Variants in SLC44A5 observed in about 807,000 individuals in gnomAD.
SLC44A5 encodes choline transporter-like protein 5.
SLC44A5 carries 57 observed loss-of-function variants against 101.8 expected under a neutral mutation model. That is an observed-to-expected ratio of 0.56 (90% CI 0.45 to 0.70). The LOEUF (loss-of-function observed/expected upper bound fraction) is 0.70, where lower values mean the gene tolerates loss of function less well. SLC44A5 is among the 30% of genes least tolerant of loss of function. The pLI is 0.00. For synonymous variants in SLC44A5, 281 were observed against 290.9 expected, an observed-to-expected ratio of 0.97 and a Z score of 0.35; for missense variants, 737 against 853.1, an observed-to-expected ratio of 0.86 and a Z score of 1.70.
intron 6 of SLC44A5, among the ~76,000 whole-genome samples, chr1:75,265,310 C>CA (rs1209314569): frequency 6.6e-6 from 1 of 151,866 alleles, no homozygotes; most frequent in East Asian, 1.9e-4. Context: ...AACAAACAAA[C>CA]AAAAAAACAC....
intron 1 of SLC44A5, among the ~76,000 whole-genome samples, chr1:75,571,660 T>A (rs1673081041): frequency 6.6e-6 from 1 of 152,168 alleles, no homozygotes; most frequent in South Asian, 2.1e-4. Context: ...ACCTTTAAGA[T>A]AGGCTAAGCC....
At chr1:75,314,771 T>C (rs1001419011) in intron 4 of SLC44A5, among the ~76,000 whole-genome samples, 1 of 152,202 alleles carries the variant, frequency 6.6e-6, no homozygotes, top group Non-Finnish European at 1.5e-5. Flanking sequence ...TTTAGATCTA[T>C]CAAATTTGAT....
At chr1:75,574,857 A>G (rs1673275996) in intron 1 of SLC44A5, among the ~76,000 whole-genome samples, 1 of 152,218 alleles carries the variant, frequency 6.6e-6, no homozygotes, top group East Asian at 1.9e-4. Context: ...AACATGCTTA[A>G]GAACTAACAG....
At chr1:75,256,439 A>T (rs114181447) in intron 6 of SLC44A5, among the ~76,000 whole-genome samples, 1,728 of 152,278 alleles carry the variant, frequency 0.011, 37 homozygotes, top group African/African-American at 0.04. Flanking sequence ...ATGTGAGATG[A>T]TCCTATGCTG....
chr1:75,263,680 C>T (rs1042353151), intron 6 of SLC44A5, among the ~76,000 whole-genome samples: 4 of 152,128 alleles, frequency 2.6e-5, no homozygotes, highest in African/African-American at 9.7e-5. Context: ...CACATACACA[C>T]GTATGTTTAT....
At chr1:75,546,296 T>C (rs1671650146) in intron 1 of SLC44A5, among the ~76,000 whole-genome samples, 1 of 11,914 alleles carries the variant, frequency 8.4e-5, no homozygotes. Context: ...CAAGCTCCGC[T>C]TCCCAGGTTC....
rs561699303 is a variant in SLC44A5 at position 75,555,391 on chromosome 1, C to T, written c.-69-13875G>A. ...GTATATGTTTCTCAAAGTCATTGACCTGTACACTTTGAATATGTAGGTTTT... is the reference window on the plus strand; with the variant it reads ...GTATATGTTTCTCAAAGTCATTGACTTGTACACTTTGAATATGTAGGTTTT... On this transcript the variant is annotated intron_variant, in intron 1 of 23. Transcript: ENST00000370859. Among the ~76,000 whole-genome samples, 5 of 152,054 alleles carry T rather than the reference C, an allele frequency of 3.3e-5. No homozygotes were observed. The South Asian group carries it at 1.0e-3, about 32-fold the overall frequency.
chr1:75,212,414 C>T (rs1447393262), intron 22 of SLC44A5, among the ~76,000 whole-genome samples: 1 of 152,028 alleles, frequency 6.6e-6, no homozygotes, highest in Non-Finnish European at 1.5e-5. Context: ...TCAATATTTA[C>T]CTACAACTTA....
the SLC44A5 span, among the ~76,000 whole-genome samples, chr1:75,707,374 A>AT: frequency 2.0e-5 from 3 of 152,084 alleles, no homozygotes. Context: ...GGTAATTCAC[A>AT]TTTTTTTCCC....
intron 1 of SLC44A5, among the ~76,000 whole-genome samples, chr1:75,589,076 G>C (rs573943870): frequency 1.3e-5 from 2 of 152,240 alleles, no homozygotes; most frequent in South Asian, 2.1e-4. Flanking sequence ...TGGAGGAACT[G>C]CATTCACGCG....
At chr1:75,451,081 A>C (rs1665882250) in intron 2 of SLC44A5, among the ~76,000 whole-genome samples, 1 of 152,066 alleles carries the variant, frequency 6.6e-6, no homozygotes, top group Non-Finnish European at 1.5e-5. Context: ...GCTTAGGCAC[A>C]CCTCTAAGCA....
intron 2 of SLC44A5, among the ~76,000 whole-genome samples, chr1:75,487,519 G>T (rs1213940125): frequency 1.3e-5 from 2 of 152,036 alleles, no homozygotes; most frequent in African/African-American, 4.8e-5. Flanking sequence ...AATTGTTCGG[G>T]GTCTAAAGAA....
chr1:75,352,438 G>C (rs1167889828), intron 3 of SLC44A5, among the ~76,000 whole-genome samples: 2 of 148,126 alleles, frequency 1.4e-5, no homozygotes. Context: ...TCTGTTTTTT[G>C]TTTTTTTTTT....
intron 1 of SLC44A5, among the ~76,000 whole-genome samples, chr1:75,543,923 G>T (rs1414669468): frequency 6.6e-6 from 1 of 151,916 alleles, no homozygotes; most frequent in Admixed American, 6.6e-5. Context: ...AGTGACTCAA[G>T]CCAAAGATAA....
intron 2 of SLC44A5, among the ~76,000 whole-genome samples, chr1:75,445,978 A>G (rs773877171): frequency 3.9e-5 from 6 of 152,074 alleles, no homozygotes; most frequent in Non-Finnish European, 8.8e-5. Context: ...CATCCAATCC[A>G]TCAGCAACTC....
chr1:75,330,138 C>A (rs1445794373), intron 4 of SLC44A5, among the ~76,000 whole-genome samples: 2 of 137,038 alleles, frequency 1.5e-5, no homozygotes, highest in Admixed American at 7.0e-5. Flanking sequence ...CACACACACA[C>A]ACATGCATAT....
chr1:75,506,131 T>C (rs565569731), intron 2 of SLC44A5, among the ~76,000 whole-genome samples: 1 of 152,280 alleles, frequency 6.6e-6, no homozygotes, highest in South Asian at 2.1e-4. Context: ...TGCTTATTTT[T>C]GTTGATTTTG....
the SLC44A5 span, among the ~76,000 whole-genome samples, chr1:75,616,710 G>T: frequency 6.6e-6 from 1 of 152,346 alleles, no homozygotes; most frequent in East Asian, 1.9e-4. Context: ...GGAAACAGGA[G>T]TCTGATGGAG....
chr1:75,538,289 T>C (rs975943234), intron 2 of SLC44A5, among the ~76,000 whole-genome samples: 1 of 152,186 alleles, frequency 6.6e-6, no homozygotes, highest in Admixed American at 6.5e-5. Flanking sequence ...TTTTTAACCT[T>C]AGTAATAGCA....
Sources: gnomAD v4.1 joint callset for allele counts (sites outside exome capture counted in the v4.1 genomes callset) on GRCh38, gnomAD v4.1.1 for gene constraint, MANE v1.5 for transcripts, NCBI Gene and HGNC (gene_info 2026-07-23, HGNC 2026-07-21) for gene names.